The following TENM1 variants were observed in gnomAD, a reference collection of about 807,000 sequenced individuals.
TENM1 encodes the protein teneurin-1.
In TENM1, 35 loss-of-function variants were observed where a neutral mutation model predicts 174.8. That is an observed-to-expected ratio of 0.20 (90% confidence interval 0.15 to 0.27). TENM1 has a LOEUF of 0.27. TENM1 is among the 10% of genes least tolerant of loss of function. TENM1 has a pLI of 1.00. For missense variants in TENM1, 1,633 were observed against 2,130.1 expected (o/e 0.77, Z 4.59); for synonymous variants, 781 against 798.7 (o/e 0.98, Z 0.37).
chrX:124,962,467 G>A (rs2058668309), intron 1 of TENM1, among the ~76,000 whole-genome samples: 1 of 111,859 alleles, frequency 8.9e-6, no homozygotes, highest in African/African-American at 3.3e-5. Context: ...CACACTTGGA[G>A]GACATAGAAA....
the TENM1 span, among the ~76,000 whole-genome samples, chrX:125,184,464 A>G: frequency 8.9e-6 from 1 of 111,842 alleles, no homozygotes; most frequent in Admixed American, 9.5e-5. Context: ...TTTTGGCAAT[A>G]GTATTCCCTT....
At chrX:124,569,958 T>C (rs1357743918) in intron 11 of TENM1, among the ~76,000 whole-genome samples, 1 of 111,314 alleles carries the variant, frequency 9.0e-6, no homozygotes, top group Non-Finnish European at 1.9e-5. Context: ...ACCAATAAAA[T>C]TGATAAACTC....
upstream of TENM1, among the ~76,000 whole-genome samples, chrX:124,968,607 C>T (rs1438696443): frequency 8.9e-6 from 1 of 111,798 alleles, no homozygotes; most frequent in African/African-American, 3.2e-5. Flanking sequence ...TTATTGAGTG[C>T]CCTTGGAAGC....
the TENM1 span, among the ~76,000 whole-genome samples, chrX:125,003,613 G>C: frequency 1.8e-5 from 2 of 111,055 alleles, no homozygotes; most frequent in African/African-American, 6.5e-5. Flanking sequence ...CAACCTCATG[G>C]CTATGGGTTT....
At chrX:125,057,361 C>T in the TENM1 span, among the ~76,000 whole-genome samples, 1 of 88,270 alleles carries the variant, frequency 1.1e-5, no homozygotes, top group Non-Finnish European at 2.0e-5. Context: ...CATACATACA[C>T]ACACACACAC....
chrX:124,652,789 G>A (rs1232963962), intron 7 of TENM1, among the ~76,000 whole-genome samples: 6 of 112,103 alleles, frequency 5.4e-5, no homozygotes, highest in Non-Finnish European at 9.4e-5. Context: ...CTAATCAGTT[G>A]ACAAGGACCT....
chrX:124,630,878 A>C (rs934095939), intron 11 of TENM1, among the ~76,000 whole-genome samples: 2 of 112,261 alleles, frequency 1.8e-5, no homozygotes, highest in Non-Finnish European at 3.8e-5. Flanking sequence ...GCCAGGTTTC[A>C]TGTGGGTTTA....
chrX:124,546,955 C>G, exon 15 of TENM1: 1 of 1,211,378 alleles, frequency 8.3e-7, no homozygotes, highest in South Asian at 1.8e-5. Flanking sequence ...ATAAAAAAGT[C>G]TTGAAGTGTG....
intron 3 of TENM1, among the ~76,000 whole-genome samples, chrX:124,796,197 C>T (rs944197965): frequency 2.7e-5 from 3 of 111,562 alleles, no homozygotes; most frequent in Non-Finnish European, 5.7e-5. Flanking sequence ...TTAAATCTAA[C>T]GAAAATATGA....
At chrX:124,543,022 G>A (rs5910094) in intron 15 of TENM1, among the ~76,000 whole-genome samples, 35,156 of 111,243 alleles carry the variant, frequency 0.32, 4,560 homozygotes, top group East Asian at 0.78. Flanking sequence ...TTGGAAAGCT[G>A]CAGAAACTGT....
chrX:124,745,928 T>C (rs1182574263), intron 3 of TENM1, among the ~76,000 whole-genome samples: 1 of 111,263 alleles, frequency 9.0e-6, no homozygotes, highest in Non-Finnish European at 1.9e-5. Context: ...CTGTCTGACA[T>C]CTAATGGGCT....
At chrX:125,144,192 C>T in the TENM1 span, among the ~76,000 whole-genome samples, 1 of 111,302 alleles carries the variant, frequency 9.0e-6, no homozygotes, top group Non-Finnish European at 1.9e-5. Flanking sequence ...GCCTCTCTTA[C>T]ACATTAATAT....
chrX:124,523,887 T>C (rs943496764), intron 16 of TENM1, among the ~76,000 whole-genome samples: 2 of 105,952 alleles, frequency 1.9e-5, no homozygotes, highest in African/African-American at 6.9e-5. Context: ...TTTTTTTTTT[T>C]TTTTGAGATG....
At chrX:124,739,497 G>A (rs748667389) in intron 3 of TENM1, among the ~76,000 whole-genome samples, 7 of 111,028 alleles carry the variant, frequency 6.3e-5, no homozygotes, top group African/African-American at 1.6e-4. Context: ...TTTTCTGTAC[G>A]TGTTTTTGTA....
chrX:124,488,653 T>C (rs1255245226), intron 20 of TENM1, among the ~76,000 whole-genome samples: 2 of 112,507 alleles, frequency 1.8e-5, no homozygotes, highest in Non-Finnish European at 3.8e-5. Context: ...TCAATTTCCT[T>C]GTCTCTAGAC....
At chrX:124,773,713 A>T in intron 3 of TENM1, among the ~76,000 whole-genome samples, 1 of 111,615 alleles carries the variant, frequency 9.0e-6, no homozygotes. Context: ...TGTTGCCAAT[A>T]TATGGACCCC....
the TENM1 span, among the ~76,000 whole-genome samples, chrX:124,993,878 G>C: frequency 9.1e-6 from 1 of 109,412 alleles, no homozygotes; most frequent in African/African-American, 3.3e-5. Flanking sequence ...TCCATTACTG[G>C]GCTGTCCCAC....
intron 1 of TENM1, among the ~76,000 whole-genome samples, chrX:124,912,442 G>C (rs1266193678): frequency 1.8e-5 from 2 of 110,832 alleles, no homozygotes; most frequent in African/African-American, 3.3e-5. Flanking sequence ...TAAGGAGAGA[G>C]GGAGCAAGAA....
chrX:124,630,879 T>C (rs913192947), intron 11 of TENM1, among the ~76,000 whole-genome samples: 3 of 112,393 alleles, frequency 2.7e-5, no homozygotes, highest in African/African-American at 9.7e-5. Context: ...CCAGGTTTCA[T>C]GTGGGTTTAG....
Sources: allele counts gnomAD v4.1 joint callset (sites outside exome capture counted in the v4.1 genomes callset), GRCh38; gene constraint gnomAD v4.1.1; transcripts MANE v1.5; gene names NCBI Gene and HGNC (gene_info 2026-07-23, HGNC 2026-07-21).